Variants in NRG3 observed in about 807,000 individuals in gnomAD.
NRG3 encodes the protein neuregulin 3.
Under a neutral mutation model 66.9 loss-of-function variants are expected in NRG3, and 31 were observed. The observed-to-expected ratio is 0.46, with a 90% CI of 0.35 to 0.63. The LOEUF (loss-of-function observed/expected upper bound fraction) is 0.63. Ranked by LOEUF, NRG3 falls within the 20% of genes least tolerant of loss-of-function variation. NRG3 has a pLI of 0.00. For missense variants in NRG3, 910 were observed against 878.9 expected (o/e 1.04, Z -0.45); for synonymous variants, 393 against 359.4 (o/e 1.09, Z -1.06).
intron 2 of NRG3, among the ~76,000 whole-genome samples, chr10:82,492,549 A>C (rs563071862): frequency 1.3e-5 from 2 of 152,302 alleles, no homozygotes; most frequent in Admixed American, 6.5e-5. Context: ...AAGAGATTGC[A>C]TAGAAACCTA....
intron 1 of NRG3, among the ~76,000 whole-genome samples, chr10:82,068,244 T>C (rs1345723032): frequency 6.6e-6 from 1 of 152,206 alleles, no homozygotes; most frequent in South Asian, 2.1e-4. Flanking sequence ...CTTTTAACAA[T>C]TAGTATTTAG....
intron 3 of NRG3, among the ~76,000 whole-genome samples, chr10:82,833,996 T>C (rs1315129253): frequency 6.6e-6 from 1 of 152,220 alleles, no homozygotes; most frequent in Admixed American, 6.6e-5. Flanking sequence ...CTTTGTTTGA[T>C]ATACTGCACT....
chr10:82,608,425 T>C (rs1406714215), intron 2 of NRG3, among the ~76,000 whole-genome samples: 1 of 152,196 alleles, frequency 6.6e-6, no homozygotes, highest in Non-Finnish European at 1.5e-5. Flanking sequence ...TCTTTCTTGA[T>C]GTTCCCTGGG....
At chr10:82,423,087 A>G (rs1014975489) in intron 2 of NRG3, among the ~76,000 whole-genome samples, 1 of 151,972 alleles carries the variant, frequency 6.6e-6, no homozygotes, top group African/African-American at 2.4e-5. Flanking sequence ...ATTTTGTTCA[A>G]ATAAATTAGA....
At chr10:82,879,730 C>T (rs927338678) in intron 4 of NRG3, among the ~76,000 whole-genome samples, 4 of 151,984 alleles carry the variant, frequency 2.6e-5, no homozygotes, top group African/African-American at 7.2e-5. Flanking sequence ...CCCTCCTCGG[C>T]CTCCCAAAGT....
intron 1 of NRG3, among the ~76,000 whole-genome samples, chr10:81,976,555 C>T (rs1472323441): frequency 1.3e-5 from 2 of 152,132 alleles, no homozygotes; most frequent in African/African-American, 2.4e-5. Flanking sequence ...AGATATTTTT[C>T]ATCAATGGAA....
In NRG3 at chr10:81,875,741, C is replaced by T. The variant is rs1295951608; in HGVS notation, c.401C>T (p.Thr134Ile). 1.9e-6 allele frequency: 3 copies of T among 1,613,028 alleles called. No homozygotes were observed. Among genetic ancestry groups the T allele is most frequent in the Non-Finnish European group, 2.5e-6 (3 of 1,179,806 alleles). Residue 134 changes from threonine (T) to isoleucine (I), a missense_variant, in exon 1 of 9, where the codon ACC (threonine) becomes ATC (isoleucine). Coordinates refer to ENST00000372141, the MANE Select transcript of NRG3 (RefSeq NM_001010848.4). This position sits in a 1 kb window ranked among gnomAD's most constrained non-coding sequence, Gnocchi z 5.3. Reference sequence around the variant, plus strand: ...GAGACCACCACCACTACCACTTCCACCACGTCCCCCGCCACCCCCTCCGCC... The same window carrying T: ...GAGACCACCACCACTACCACTTCCATCACGTCCCCCGCCACCCCCTCCGCC... Reference protein sequence around the residue: ...AMETTTTTTSTTSPATPSAGG... With the variant: ...AMETTTTTTSITSPATPSAGG...
chr10:82,499,281 G>A (rs1843925592), intron 2 of NRG3, among the ~76,000 whole-genome samples: 1 of 152,146 alleles, frequency 6.6e-6, no homozygotes. Flanking sequence ...GACTTGGCTG[G>A]TACTTTCAAA....
chr10:82,682,053 C>T (rs2054143086), intron 2 of NRG3, among the ~76,000 whole-genome samples: 1 of 152,230 alleles, frequency 6.6e-6, no homozygotes, highest in African/African-American at 2.4e-5. Context: ...TCTCAAGAGG[C>T]TGCTCTGTCT....
intron 1 of NRG3, among the ~76,000 whole-genome samples, chr10:82,127,115 A>G (rs752171625): frequency 1.3e-5 from 2 of 152,134 alleles, no homozygotes; most frequent in African/African-American, 4.8e-5. Context: ...TCCATGGGCC[A>G]TGCGGCTTCA....
intron 2 of NRG3, among the ~76,000 whole-genome samples, chr10:82,457,416 T>C (rs1471104089): frequency 1.3e-5 from 2 of 152,214 alleles, no homozygotes; most frequent in African/African-American, 2.4e-5. Context: ...GAGAATCTGA[T>C]GCTGTTGCTG....
intron 2 of NRG3, among the ~76,000 whole-genome samples, chr10:82,730,804 G>T (rs2134642911): frequency 6.6e-6 from 1 of 152,164 alleles, no homozygotes; most frequent in East Asian, 1.9e-4. Context: ...GTGATGAGTG[G>T]CTGGGGAAAG....
chr10:82,562,538 C>A (rs1419060071), intron 2 of NRG3, among the ~76,000 whole-genome samples: 1 of 152,172 alleles, frequency 6.6e-6, no homozygotes, highest in African/African-American at 2.4e-5. Context: ...CATTAATTAT[C>A]TTGAAACACA....
At chr10:82,516,498 A>T (rs1216114045) in intron 2 of NRG3, among the ~76,000 whole-genome samples, 2 of 152,166 alleles carry the variant, frequency 1.3e-5, no homozygotes, top group Admixed American at 1.3e-4. Flanking sequence ...TATCATCCAC[A>T]CACACACAAA....
intron 1 of NRG3, among the ~76,000 whole-genome samples, chr10:82,085,884 C>T (rs1384782924): frequency 2.0e-5 from 3 of 152,028 alleles, no homozygotes; most frequent in African/African-American, 4.8e-5. Flanking sequence ...GTGATCTGCC[C>T]GCCTAAGCCT....
intron 2 of NRG3, among the ~76,000 whole-genome samples, chr10:82,403,056 G>A (rs1286081390): frequency 6.6e-6 from 1 of 152,166 alleles, no homozygotes; most frequent in African/African-American, 2.4e-5. Flanking sequence ...GGTCAAGAAT[G>A]AGTAATGTAC....
At chr10:82,230,080 A>T (rs2076381841) in intron 1 of NRG3, 1 of 152,236 alleles carries the variant, frequency 6.6e-6, no homozygotes, top group Non-Finnish European at 1.5e-5. Flanking sequence ...AAAAATGTTT[A>T]AAGTTACTTT....
chr10:81,887,414 T>C (rs1226914134), intron 1 of NRG3, among the ~76,000 whole-genome samples: 1 of 152,090 alleles, frequency 6.6e-6, no homozygotes, highest in Non-Finnish European at 1.5e-5. Flanking sequence ...AATCAATAAG[T>C]TATATACACA....
intron 6 of NRG3, among the ~76,000 whole-genome samples, chr10:82,959,885 G>A (rs988230915): frequency 3.3e-5 from 5 of 152,160 alleles, no homozygotes; most frequent in Admixed American, 3.3e-4. Context: ...TAAAGCAAGA[G>A]AATTCTGTGT....
Sources: allele counts gnomAD v4.1 joint callset (sites outside exome capture counted in the v4.1 genomes callset), GRCh38; gene constraint gnomAD v4.1.1; non-coding constraint Gnocchi (gnomAD v3.1); transcripts MANE v1.5; gene names NCBI Gene and HGNC (gene_info 2026-07-23, HGNC 2026-07-21).